FBXO25: variants seen among roughly 807,000 people sequenced by gnomAD.
FBXO25 encodes the protein F-box protein 25.
In FBXO25, 45 loss-of-function variants were observed where a neutral mutation model predicts 51.9. The observed-to-expected ratio is 0.87, with a 90% CI of 0.68 to 1.11. FBXO25 has a LOEUF of 1.11. FBXO25 is among the 50% of genes most tolerant of loss of function. FBXO25 has a pLI of 0.00. For missense variants in FBXO25, 507 were observed against 428.5 expected, an observed-to-expected ratio of 1.18 and a Z score of -1.62; for synonymous variants, 199 against 151.0, an observed-to-expected ratio of 1.32 and a Z score of -2.33.
intron 8 of FBXO25, among the ~76,000 whole-genome samples, chr8:461,345 C>G (rs1390432243): frequency 2.0e-5 from 3 of 152,182 alleles, no homozygotes; most frequent in Non-Finnish European, 4.4e-5. Flanking sequence ...ATTTAATGGA[C>G]TCACAGTTTG....
chr8:432,892 A>T lies in FBXO25; in HGVS notation c.245A>T (p.Tyr82Phe), dbSNP rs368049810. The T allele has an allele frequency of 2.6e-6, 4 of 1,552,648 alleles. No homozygotes were observed. The highest frequency in any genetic ancestry group is 2.6e-6 in the Non-Finnish European group (3 of 1,154,598). Residue 82 changes from tyrosine to phenylalanine, a missense_variant, in exon 4 of 10, where the codon TAT becomes TTT. By Grantham distance (22) the Tyr-to-Phe change is conservative (BLOSUM62 3). Coordinates refer to ENST00000350302, the MANE Select transcript of FBXO25 (RefSeq NM_183420.2). ...AAGGTAATTTTTATTCTAGGTTTTTATCGTGAAAAATGGATCTATGTCCAT... is the reference window on the plus strand; with the variant it reads ...AAGGTAATTTTTATTCTAGGTTTTTTTCGTGAAAAATGGATCTATGTCCAT... ...FRNDTNTQSF[Y>F]REKWIYVHKE...
In FBXO25 at chr8:469,768, G is replaced by A. The variant is rs1353630825; in HGVS notation, c.*964G>A. On this transcript the variant is annotated 3_prime_UTR_variant, in exon 10 of 10. Coordinates refer to ENST00000350302, the MANE Select transcript of FBXO25 (RefSeq NM_183420.2). ...CCCTCAGCAGGCATAGGATAGAAAC[G>A]TATTGTTGTATATTTCCATTTTTGA... is the stretch of plus-strand genomic sequence containing the variant. 3.9e-5 allele frequency: 6 copies of A among 152,246 alleles called. No homozygotes were observed. The highest frequency in any genetic ancestry group is 3.9e-4 in the East Asian group (2 of 5,184). The allele number at this position is 152,246 out of a possible 1,614,324, so 9.4% of individuals were successfully genotyped here.
intron 3 of FBXO25, among the ~76,000 whole-genome samples, chr8:432,621 A>G (rs879449325): frequency 3.3e-5 from 5 of 152,200 alleles, no homozygotes; most frequent in South Asian, 2.1e-4. Context: ...ATAATCATTT[A>G]TGTCTTCATA....
chr8:438,223 T>G (rs375817988), intron 5 of FBXO25, among the ~76,000 whole-genome samples: 3 of 152,048 alleles, frequency 2.0e-5, no homozygotes, highest in East Asian at 3.9e-4. Flanking sequence ...CCTGGCTAAT[T>G]CTTTTTTGTA....
intron 1 of FBXO25, among the ~76,000 whole-genome samples, chr8:411,680 A>G (rs559631557): frequency 2.0e-5 from 3 of 152,268 alleles, no homozygotes; most frequent in Non-Finnish European, 2.9e-5. Context: ...AACAGATGAT[A>G]AACACGCTAA....
intron 5 of FBXO25, among the ~76,000 whole-genome samples, chr8:449,428 C>G (rs554533293): frequency 7.9e-5 from 12 of 152,248 alleles, no homozygotes; most frequent in South Asian, 4.2e-4. Context: ...AATACAAATT[C>G]TACAATTTTG....
chr8:429,549 C>T (rs1296923710), intron 2 of FBXO25, among the ~76,000 whole-genome samples: 2 of 152,148 alleles, frequency 1.3e-5, no homozygotes, highest in African/African-American at 2.4e-5. Context: ...AAATTAAATA[C>T]TCCTTTATTA....
intron 2 of FBXO25, among the ~76,000 whole-genome samples, chr8:429,996 C>T (rs1043446602): frequency 5.9e-5 from 9 of 152,228 alleles, no homozygotes; most frequent in African/African-American, 1.9e-4. Context: ...CATGGGATAT[C>T]TTTAGGTTCA....
intron 4 of FBXO25, among the ~76,000 whole-genome samples, chr8:434,783 C>G (rs1798005160): frequency 6.6e-6 from 1 of 152,114 alleles, no homozygotes; most frequent in Non-Finnish European, 1.5e-5. Context: ...ACCTAGTGTG[C>G]TAATCTATAC....
chr8:411,064 A>G (rs1404922249), intron 1 of FBXO25, among the ~76,000 whole-genome samples: 2 of 151,850 alleles, frequency 1.3e-5, no homozygotes, highest in African/African-American at 4.8e-5. Flanking sequence ...GTGTTTGGAG[A>G]TGTTCATCTC....
At chr8:414,035 A>T (rs1308301491) in intron 2 of FBXO25, among the ~76,000 whole-genome samples, 2 of 152,196 alleles carry the variant, frequency 1.3e-5, no homozygotes, top group Non-Finnish European at 2.9e-5. Context: ...ATTATTTTAC[A>T]TTTGTGTAAT....
At chr8:441,343 T>C (rs1380835837) in intron 5 of FBXO25, among the ~76,000 whole-genome samples, 2 of 152,194 alleles carry the variant, frequency 1.3e-5, no homozygotes, top group East Asian at 1.9e-4. Context: ...ACCGCTTCCT[T>C]ACACCTTTAT....
chr8:468,101 A>G, intron 9 of FBXO25: 2 of 1,077,174 alleles, frequency 1.9e-6, no homozygotes, highest in Non-Finnish European at 2.2e-6. Flanking sequence ...CGTTCCTCCT[A>G]AGAGTCTGCC....
chr8:441,313 A>G (rs537350238), intron 5 of FBXO25, among the ~76,000 whole-genome samples: 6 of 152,344 alleles, frequency 3.9e-5, no homozygotes, highest in Non-Finnish European at 7.4e-5. Context: ...GGCTAGCCAT[A>G]TGCAAAAAAC....
At chr8:443,437 G>T (rs1335093246) in intron 5 of FBXO25, among the ~76,000 whole-genome samples, 3 of 151,760 alleles carry the variant, frequency 2.0e-5, no homozygotes, top group Non-Finnish European at 4.4e-5. Flanking sequence ...ATTATAAGTT[G>T]TGTAACAGTT....
intron 8 of FBXO25, among the ~76,000 whole-genome samples, chr8:459,767 C>T (rs1799687494): frequency 6.6e-6 from 1 of 152,164 alleles, no homozygotes. Flanking sequence ...GCAACGGGAT[C>T]AGCCTGGGCA....
chr8:428,194 C>G (rs974329325), intron 2 of FBXO25, among the ~76,000 whole-genome samples: 26 of 152,250 alleles, frequency 1.7e-4, no homozygotes, highest in African/African-American at 6.3e-4. Flanking sequence ...AAGTGATTCC[C>G]TGTCCTTGGG....
intron 5 of FBXO25, among the ~76,000 whole-genome samples, chr8:438,303 C>T (rs964413793): frequency 3.9e-5 from 6 of 152,338 alleles, no homozygotes; most frequent in African/African-American, 1.4e-4. Context: ...AAGTGATCCA[C>T]CTGCCTCGGC....
At position 429,093 on chromosome 8, in the gene FBXO25, T is replaced by A. The variant is rs1469165147; in HGVS notation, c.135-2248T>A. Among the ~76,000 whole-genome samples the A allele has an allele frequency of 2.0e-5, 3 of 152,320 alleles. No individual in the cohort carries two copies. In the South Asian group the frequency reaches 6.2e-4, roughly 32 times the overall value. On this transcript the variant is annotated intron_variant, in intron 2 of 9. Transcript: ENST00000350302. ...TGTTGGATCATATGGTAATTCTATGTTTAATTTTTTGAAGAACCTCCATAC... is the reference window on the plus strand; with the variant it reads ...TGTTGGATCATATGGTAATTCTATGATTAATTTTTTGAAGAACCTCCATAC...
Sources: allele counts gnomAD v4.1 joint callset (sites outside exome capture counted in the v4.1 genomes callset), GRCh38; gene constraint gnomAD v4.1.1; transcripts MANE v1.5; gene names NCBI Gene and HGNC (gene_info 2026-07-23, HGNC 2026-07-21).